The following GNAI2 variants were observed in gnomAD, a reference collection of about 807,000 sequenced individuals.
GNAI2 encodes G protein subunit alpha i2.
GNAI2 carries 4 observed loss-of-function variants against 36.8 expected under a neutral mutation model. The ratio of observed to expected loss-of-function variants is 0.11; its 90% CI spans 0.05 to 0.25. The LOEUF is 0.25. Among genes scored for constraint, GNAI2 ranks in the 10% least tolerant of loss-of-function variants. The pLI, the probability that GNAI2 is intolerant of heterozygous loss-of-function variation, is 1.00. For missense variants in GNAI2, 230 were observed against 481.3 expected, an observed-to-expected ratio of 0.48 and a Z score of 4.89; for synonymous variants, 194 against 194.1, an observed-to-expected ratio of 1.00 and a Z score of 0.01.
intron 1 of GNAI2, chr3:50,251,784 A>T: frequency 1.5e-6 from 2 of 1,307,954 alleles, no homozygotes; most frequent in Middle Eastern, 2.2e-4. Context: ...TGGCTCCTTC[A>T]TGGCTGGCCA....
At chr3:50,240,857 T>G (rs1271373004) in intron 1 of GNAI2, among the ~76,000 whole-genome samples, 3 of 146,754 alleles carry the variant, frequency 2.0e-5, no homozygotes, top group Non-Finnish European at 4.5e-5. Flanking sequence ...AAGTGAAGGT[T>G]ACAGTGGACC....
At chr3:50,231,543 G>A (rs1700067614), upstream of GNAI2, among the ~76,000 whole-genome samples, 1 of 152,188 alleles carries the variant, frequency 6.6e-6, no homozygotes, top group Non-Finnish European at 1.5e-5. Context: ...CCAAAGTGCT[G>A]GGATTACAGG....
At chr3:50,240,349 A>C (rs938417968) in intron 1 of GNAI2, among the ~76,000 whole-genome samples, 13 of 152,134 alleles carry the variant, frequency 8.5e-5, no homozygotes. Flanking sequence ...ACTCGACAAG[A>C]ACACTGCAGC....
At chr3:50,243,330 CG>C (rs1240914942) in intron 1 of GNAI2, among the ~76,000 whole-genome samples, 5 of 152,106 alleles carry the variant, frequency 3.3e-5, no homozygotes, top group African/African-American at 4.8e-5. Flanking sequence ...AGGACGCTGG[CG>C]GGAGGGCTAG....
At chr3:50,236,169 C>A (rs921230195), upstream of GNAI2, 6 of 1,167,828 alleles carry the variant, frequency 5.1e-6, no homozygotes, top group Admixed American at 9.4e-5. The surrounding 1 kb of genome is among the most constrained non-coding windows in gnomAD (Gnocchi z 4.0). Flanking sequence ...CCCGCCCCGC[C>A]GTCGGTGCGC....
intron 1 of GNAI2, among the ~76,000 whole-genome samples, chr3:50,249,538 GGCCCCTGTAGT>G (rs1261549656): frequency 2.0e-5 from 3 of 152,144 alleles, no homozygotes; most frequent in African/African-American, 7.2e-5. Context: ...TACTGGGCCC[GGCCCCTGTAGT>G]GCCCAGGGGC....
intron 5 of GNAI2, 169 bp downstream of exon 5, chr3:50,256,489 C>T (rs1392574991): frequency 1.4e-6 from 1 of 721,076 alleles, no homozygotes; most frequent in Non-Finnish European, 2.4e-6. Context: ...GGATCCACGC[C>T]ACCTCTGCCA....
rs1700608877 is a variant in GNAI2, at chr3:50,253,208, A to T, written c.464+24A>T. ...TAGTGAGTGCTCTGAGGGGCTGGGC[A>T]GGGCAGGGCAGGGGCTGGGGGAGGA... On this transcript the variant is annotated intron_variant, in intron 4 of 8. Transcript: ENST00000313601. The surrounding 1 kb of genome is among the most constrained non-coding windows in gnomAD (Gnocchi z 4.2). The T allele has an allele frequency of 1.2e-5, 18 of 1,518,352 alleles. No homozygotes were observed. Among genetic ancestry groups the T allele is most frequent in the Admixed American group, 1.7e-5 (1 of 58,222 alleles). The allele number at this position is 1,518,352 out of a possible 1,614,324, so 94.1% of individuals were successfully genotyped here. A position where few individuals can be genotyped will look rare whatever the true frequency, so the allele number is the denominator to read the frequency against.
At chr3:50,246,930 C>T in intron 1 of GNAI2, 2 of 1,466,568 alleles carry the variant, frequency 1.4e-6, no homozygotes, top group South Asian at 1.4e-5. Context: ...ATGCTGAGTC[C>T]CAGCAGGGAA....
chr3:50,243,567 C>T (rs2109193369), intron 1 of GNAI2, among the ~76,000 whole-genome samples: 1 of 152,372 alleles, frequency 6.6e-6, no homozygotes, highest in Admixed American at 6.5e-5. Context: ...ATTCACTGGG[C>T]CTGTTTCCCC....
chr3:50,252,759 G>A lies in GNAI2; in HGVS notation c.303+221G>A, dbSNP rs1215043403. Among the ~76,000 whole-genome samples the A allele has an allele frequency of 6.6e-6, 1 of 152,186 alleles. No homozygotes were observed. Among genetic ancestry groups the A allele is most frequent in the East Asian group, 1.9e-4 (1 of 5,198 alleles). On this transcript the variant is annotated intron_variant, in intron 3 of 8. Coordinates refer to ENST00000313601, the MANE Select transcript of GNAI2 (RefSeq NM_002070.4). The surrounding 1 kb of genome is among the most constrained non-coding windows in gnomAD (Gnocchi z 4.1). Reference sequence around the variant, plus strand: ...CGTGCCTGTAATCCCAGCTACTTGGGAGGCTGAAGCAGGAGAATTGCTTGA... The same window carrying A: ...CGTGCCTGTAATCCCAGCTACTTGGAAGGCTGAAGCAGGAGAATTGCTTGA...
intron 1 of GNAI2, among the ~76,000 whole-genome samples, chr3:50,249,392 C>T (rs1421345349): frequency 1.3e-5 from 2 of 152,174 alleles, no homozygotes; most frequent in African/African-American, 4.8e-5. Context: ...TGAGGCTTTC[C>T]TGGGACCTTT....
At position 50,236,833 on chromosome 3, in the gene GNAI2, C is replaced by A. The variant is rs1700182959; in HGVS notation, c.118+380C>A. ...CACTTGTTCCCCAACCCTCAGGCTC[C>A]GCTTGTTTTCCTCACCTGCGCCTTT... On this transcript the variant is annotated intron_variant, in intron 1 of 8. Transcript: ENST00000313601. This position sits in a 1 kb window ranked among gnomAD's most constrained non-coding sequence, Gnocchi z 4.0. Among the ~76,000 whole-genome samples, 1 of 152,192 alleles carries A rather than the reference C, an allele frequency of 6.6e-6. No individual in the cohort carries two copies. Among genetic ancestry groups the A allele is most frequent in the Non-Finnish European group, 1.5e-5 (1 of 68,032 alleles).
exon 1 of GNAI2, chr3:50,230,958 G>A: frequency 4.1e-6 from 4 of 985,340 alleles, no homozygotes; most frequent in Non-Finnish European, 4.8e-6. Flanking sequence ...CTGGCTCCTG[G>A]CCCACTCTGG....
intron 1 of GNAI2, among the ~76,000 whole-genome samples, chr3:50,245,303 C>G (rs1043957521): frequency 1.3e-5 from 2 of 152,176 alleles, no homozygotes; most frequent in Non-Finnish European, 2.9e-5. Context: ...CCGCCAGTGC[C>G]GTGATTCTTA....
At position 50,236,730 on chromosome 3, in the gene GNAI2, C is replaced by G. The variant is rs1002370953; in HGVS notation, c.118+277C>G. Among the ~76,000 whole-genome samples, 2 of 151,942 alleles carry G rather than the reference C, an allele frequency of 1.3e-5. No individual in the cohort carries two copies. The highest frequency in any genetic ancestry group is 4.8e-5 in the African/African-American group (2 of 41,330). On this transcript the variant is annotated intron_variant, in intron 1 of 8. Transcript: ENST00000313601. The surrounding 1 kb of genome is among the most constrained non-coding windows in gnomAD (Gnocchi z 4.0). Reference sequence around the variant, plus strand: ...TCCAGTGCCCTGCTTGGCCATCCCCCCTTGCTAACTAGCTTCACAGAACTT... The same window carrying G: ...TCCAGTGCCCTGCTTGGCCATCCCCGCTTGCTAACTAGCTTCACAGAACTT...
intron 1 of GNAI2, among the ~76,000 whole-genome samples, chr3:50,248,283 T>C (rs1287809555): frequency 2.0e-5 from 3 of 151,972 alleles, no homozygotes; most frequent in African/African-American, 7.3e-5. Flanking sequence ...GCCACCCCTC[T>C]GAGAGGCAGG....
At chr3:50,234,060 T>A (rs983516277), upstream of GNAI2, among the ~76,000 whole-genome samples, 7 of 136,774 alleles carry the variant, frequency 5.1e-5, no homozygotes, top group African/African-American at 1.9e-4. Flanking sequence ...CACGCCCAGC[T>A]GATTTTTTTT....
chr3:50,254,990 GT>G (rs1394672906), intron 4 of GNAI2, among the ~76,000 whole-genome samples: 1 of 152,240 alleles, frequency 6.6e-6, no homozygotes, highest in East Asian at 1.9e-4. Context: ...AGAGGCTGGT[GT>G]GGAATGCACC....
Sources: allele counts gnomAD v4.1 joint callset (sites outside exome capture counted in the v4.1 genomes callset), GRCh38; gene constraint gnomAD v4.1.1; non-coding constraint Gnocchi (gnomAD v3.1); transcripts MANE v1.5; gene names NCBI Gene and HGNC (gene_info 2026-07-23, HGNC 2026-07-21).